The following WIZ variants were observed in gnomAD, a reference collection of about 807,000 sequenced individuals.
The protein encoded by WIZ is protein Wiz.
Under a neutral mutation model 140.2 loss-of-function variants are expected in WIZ, and 25 were observed. The observed-to-expected ratio is 0.18, with a 90% CI of 0.13 to 0.25. The LOEUF is 0.25. Among genes scored for constraint, WIZ ranks in the 10% least tolerant of loss-of-function variants. WIZ has a pLI of 1.00. For synonymous variants in WIZ, 1,125 were observed against 1,154.3 expected, an observed-to-expected ratio of 0.97 and a Z score of 0.51; for missense variants, 2,231 against 2,632.6, an observed-to-expected ratio of 0.85 and a Z score of 3.34.
At chr19:15,435,773 G>T (rs1294685873) in intron 5 of WIZ, among the ~76,000 whole-genome samples, 2 of 151,896 alleles carry the variant, frequency 1.3e-5, no homozygotes, top group African/African-American at 4.8e-5. Flanking sequence ...CAGTGACTGA[G>T]ATCGCACCAC....
At chr19:15,426,900 G>T in intron 9 of WIZ, 82 bp downstream of exon 9, 1 of 1,499,452 alleles carries the variant, frequency 6.7e-7, no homozygotes, top group South Asian at 1.3e-5. Flanking sequence ...TTCAACCCTA[G>T]GCACTCTGGA....
At position 15,440,695 on chromosome 19, in the gene WIZ, A is replaced by G. The variant is rs1001215191; in HGVS notation, c.299T>C (p.Leu100Pro). 1.0e-5 allele frequency: 15 copies of G among 1,502,018 alleles called. No homozygotes were observed. In the African/African-American group the frequency reaches 1.7e-4, roughly 17 times the overall value. 93.0% of individuals were successfully genotyped at this position (1,502,018 alleles called of 1,614,324 possible). ...ISSCCWDGGS[L>P]DFRPGSPPPH... Reference sequence around the variant, plus strand: ...TGGTGGGGAGCCCGGCCGGAAGTCCAGGCTGCCTCCATCCCAGCAGCTGCA... The same window carrying G: ...TGGTGGGGAGCCCGGCCGGAAGTCCGGGCTGCCTCCATCCCAGCAGCTGCA... Residue 100 changes from leucine to proline, a missense_variant, in exon 4 of 13, where the codon CTG becomes CCG. Coordinates refer to ENST00000673675, the MANE Select transcript of WIZ (RefSeq NM_001371589.1). This position sits in a 1 kb window ranked among gnomAD's most constrained non-coding sequence, Gnocchi z 6.2.
rs1025794544 is a variant in WIZ, at chr19:15,432,590, G to A, written c.2741-1408C>T. 7.4e-4 allele frequency: 277 copies of A among 372,856 alleles called. 1 individual carries two copies. The highest frequency in any genetic ancestry group is 5.4e-3 in the African/African-American group (240 of 44,716). The allele number at this position is 372,856 out of a possible 1,614,324, so 23.1% of individuals were successfully genotyped here. A position where few individuals can be genotyped will look rare whatever the true frequency, so the allele number is the denominator to read the frequency against. On this transcript the variant is annotated intron_variant, in intron 5 of 12. Transcript: ENST00000673675. ...GGTGCCGCGGGGCCCGGGCTCGGGG[G>A]GCTGGGCGGGGGCGCCCCCGCGGGC...
Position 15,446,065 on chromosome 19 carries a change from A to G in WIZ, c.205+2038T>C, listed in dbSNP as rs530439980. Among the ~76,000 whole-genome samples, 6 of 152,306 alleles carry G rather than the reference A, an allele frequency of 3.9e-5. No individual in the cohort carries two copies. In the East Asian group the frequency reaches 1.2e-3, roughly 29 times the overall value. On this transcript the variant is annotated intron_variant, in intron 2 of 12. Coordinates refer to ENST00000673675, the MANE Select transcript of WIZ (RefSeq NM_001371589.1). Reference sequence around the variant, plus strand: ...CAGGCATTCTTCCAACATTCAGGCCATGACCTCACTCCAAGTCAAGCCATT... The same window carrying G: ...CAGGCATTCTTCCAACATTCAGGCCGTGACCTCACTCCAAGTCAAGCCATT...
intron 7 of WIZ, 93 bp downstream of exon 7, chr19:15,429,493 C>G: frequency 1.1e-6 from 1 of 924,930 alleles, no homozygotes; most frequent in Non-Finnish European, 1.4e-6. Context: ...CGCCCCCACC[C>G]ACCCTGGGCC....
Position 15,424,705 on chromosome 19 carries a change from G to C in WIZ, c.5222C>G (p.Ala1741Gly), listed in dbSNP as rs758203665. The change falls in exon 11 of 13, where the codon GCT becomes GGT. Residue 1741 changes from alanine (A) to glycine (G), a missense_variant. Ala to Gly is a moderately conservative substitution (Grantham distance 60, BLOSUM62 0). Transcript: ENST00000673675. This position sits in a 1 kb window ranked among gnomAD's most constrained non-coding sequence, Gnocchi z 9.7. ...CTCACCACCGTCGGCTGCCCGGCCA[G>C]CCTCGGGCCCTGGCTCCCCTCCGGC... ...RSAGGEPGPE[A>G]GRAADGGERP... 2.7e-5 allele frequency: 42 copies of C among 1,581,850 alleles called. No homozygotes were observed. The highest frequency in any genetic ancestry group is 3.4e-5 in the South Asian group (3 of 88,544).
chr19:15,425,442 G>A lies in WIZ; in HGVS notation c.4693C>T (p.Pro1565Ser). 1 of 1,573,668 alleles carries A rather than the reference G, an allele frequency of 6.4e-7. No homozygotes were observed. Among genetic ancestry groups the A allele is most frequent in the East Asian group, 2.3e-5 (1 of 42,608 alleles). The change falls in exon 10 of 13, where the codon CCG becomes TCG. Residue 1565 changes from proline (P) to serine (S), a missense_variant. By Grantham distance (74) the Pro-to-Ser change is moderately conservative. Transcript: ENST00000673675. ...AGRPGKPGAG[P>S]AQVPRELSLT... Reference sequence around the variant, plus strand: ...CTGAGCTCACGAGGAACCTGGGCCGGCCCTGCACCTGGTTTGCCTGGCCGG... The same window carrying A: ...CTGAGCTCACGAGGAACCTGGGCCGACCCTGCACCTGGTTTGCCTGGCCGG...
Position 15,427,662 on chromosome 19 carries a change from G to A in WIZ, c.3815-129C>T, listed in dbSNP as rs964271970. On this transcript the variant is annotated intron_variant, in intron 8 of 12. Transcript: ENST00000673675. The surrounding 1 kb of genome is among the most constrained non-coding windows in gnomAD (Gnocchi z 6.4). ...ACAGGTTAGGGTGGTGAGGGCAGGT[G>A]CAGGTAAGGGAGTGGAGGAGCGGGG... is the stretch of plus-strand genomic sequence containing the variant. The A allele has an allele frequency of 7.5e-6, 8 of 1,064,406 alleles. No individual in the cohort carries two copies. In the African/African-American group the frequency reaches 8.0e-5, roughly 11 times the overall value. 65.9% of individuals were successfully genotyped at this position (1,064,406 alleles called of 1,614,324 possible).
intron 2 of WIZ, among the ~76,000 whole-genome samples, chr19:15,443,472 C>T (rs1325558104): frequency 6.6e-6 from 1 of 152,208 alleles, no homozygotes; most frequent in East Asian, 1.9e-4. Flanking sequence ...TCAATGCCTC[C>T]ATTCTGACTG....
At chr19:15,430,418 G>A (rs765933716) in intron 6 of WIZ, among the ~76,000 whole-genome samples, 4 of 152,138 alleles carry the variant, frequency 2.6e-5, no homozygotes, top group Non-Finnish European at 4.4e-5. Context: ...TCACACAAAC[G>A]CTGACCTGAC....
At position 15,425,245 on chromosome 19, in the gene WIZ, G is replaced by T; in HGVS notation, c.4890C>A (p.His1630Gln). Residue 1630 changes from histidine (H) to glutamine (Q), a missense_variant, in exon 10 of 13, where the codon CAC (histidine) becomes CAA (glutamine). By Grantham distance (24) the His-to-Gln change is conservative. Around this residue, in one of 15 missense-constraint regions of WIZ, gnomAD observed 393 missense variants for 451.7 expected, o/e 0.87. Transcript: ENST00000673675. ...ACCCTGCCGCCCGCTGCTTACAGGA[G>T]TGGGAGGTCTTCTCATGAAGGGTCT... ...KAKTLHEKTS[H>Q]SSTEACCELC... 6.3e-7 allele frequency: 1 copy of T among 1,578,698 alleles called. No individual in the cohort carries two copies. The highest frequency in any genetic ancestry group is 8.6e-7 in the Non-Finnish European group (1 of 1,163,358).
intron 5 of WIZ, among the ~76,000 whole-genome samples, chr19:15,432,104 G>A (rs1255085473): frequency 6.6e-6 from 1 of 152,188 alleles, no homozygotes; most frequent in Non-Finnish European, 1.5e-5. Flanking sequence ...AAAGTCTCCG[G>A]GTCGGGTGGG....
rs1024175785 is a variant in WIZ, at chr19:15,440,226, C to T, written c.768G>A (p.Thr256=). ...LAQPSEWGLP[T]SASEVATQTW... ...TCTGTGTGGCTACCTCCGAGGCTGACGTGGGTAGGCCCCACTCGGACGGCT... is the reference window on the plus strand; with the variant it reads ...TCTGTGTGGCTACCTCCGAGGCTGATGTGGGTAGGCCCCACTCGGACGGCT... The change falls in exon 4 of 13, where the codon ACG becomes ACA. Residue 256 remains threonine, a synonymous_variant. Transcript: ENST00000673675. The surrounding 1 kb of genome is among the most constrained non-coding windows in gnomAD (Gnocchi z 6.2). 1.9e-5 allele frequency: 28 copies of T among 1,511,046 alleles called. No individual in the cohort carries two copies. Among genetic ancestry groups the T allele is most frequent in the East Asian group, 1.7e-4 (7 of 40,726 alleles). 93.6% of individuals were successfully genotyped at this position (1,511,046 alleles called of 1,614,324 possible).
intron 9 of WIZ, 147 bp downstream of exon 9, chr19:15,426,835 G>T: frequency 1.1e-6 from 1 of 899,270 alleles, no homozygotes; most frequent in Non-Finnish European, 1.7e-6. Context: ...GGTCTGCATA[G>T]CAGGAATACA....
rs139448002 is a variant in WIZ at position 15,448,087 on chromosome 19, C to A, written c.205+16G>T. The A allele has an allele frequency of 1.9e-6, 3 of 1,611,180 alleles. No homozygotes were observed. Among genetic ancestry groups the A allele is most frequent in the East Asian group, 4.5e-5 (2 of 44,834 alleles). ...GGCTGGATGCTCCCTGGGGGCCACACGGCCCATTCTCTTACCAGAGATGCC... is the reference window on the plus strand; with the variant it reads ...GGCTGGATGCTCCCTGGGGGCCACAAGGCCCATTCTCTTACCAGAGATGCC... On this transcript the variant is annotated intron_variant, in intron 2 of 12. Transcript: ENST00000673675.
rs753722714 is a variant in WIZ at position 15,425,793 on chromosome 19, A to AAGGAGGAGG, written c.4367-34_4367-26dup. 1.2e-5 allele frequency: 13 copies of AAGGAGGAGG among 1,050,852 alleles called. 3 individuals are homozygous for AAGGAGGAGG. Among genetic ancestry groups the AAGGAGGAGG allele is most frequent in the Admixed American group, 3.7e-5 (1 of 27,168 alleles). 65.1% of individuals were successfully genotyped at this position (1,050,852 alleles called of 1,614,324 possible). On this transcript the variant is annotated intron_variant, in intron 9 of 12. Transcript: ENST00000673675. ...GCTGCAGGGGATCCAGGGTAGGGGG[A>AAGGAGGAGG]AGGAGGAGGAGGAGGAGGAGGAGGG...
chr19:15,425,096 C>G, intron 10 of WIZ, 64 bp from the exon 11 acceptor site: 1 of 1,505,718 alleles, frequency 6.6e-7, no homozygotes, highest in South Asian at 1.3e-5. Context: ...CCAGATGGCC[C>G]TGCCCAGGCC....
chr19:15,429,920 G>T lies in WIZ; in HGVS notation c.3081C>A (p.Asp1027Glu), dbSNP rs556557961. The change falls in exon 7 of 13, where the codon GAC (aspartate) becomes GAA (glutamate). Residue 1027 changes from aspartate to glutamate, a missense_variant. By Grantham distance (45) the Asp-to-Glu change is conservative. Around this residue, in one of 15 missense-constraint regions of WIZ, gnomAD observed 163 missense variants for 166.8 expected, o/e 0.98. Transcript: ENST00000673675. ...GGCCTGGGGGCAGCCCAAGGTGGGC[G>T]TCAGGCAGACCCTTCTGCTTCACAA... The part of the protein sequence containing the change: ...YELVKQKGLP[D>E]AHLGLPPGLA... 8.2e-4 allele frequency: 1,255 copies of T among 1,536,016 alleles called. 1 individual carries two copies. The highest frequency in any genetic ancestry group is 1.0e-3 in the Non-Finnish European group (1,193 of 1,146,808).
At position 15,425,487 on chromosome 19, in the gene WIZ, G is replaced by T; in HGVS notation, c.4648C>A (p.Pro1550Thr). The T allele has an allele frequency of 1.2e-6, 2 of 1,607,814 alleles. No homozygotes were observed. The highest frequency in any genetic ancestry group is 1.7e-6 in the Non-Finnish European group (2 of 1,177,392). ...VAPGPVQSPL[P>T]LSPLAGRPGK... is the part of the protein sequence containing the mutation. ...GGCCGGCCAGCCAGGGGCGACAGCG[G>T]CAGTGGGGACTGCACGGGCCCAGGG... The change falls in exon 10 of 13, where the codon CCG becomes ACG. Residue 1550 changes from proline (P) to threonine (T), a missense_variant. Physicochemically the swap from Pro to Thr is conservative, Grantham distance 38. Around this residue, in one of 15 missense-constraint regions of WIZ, gnomAD observed 393 missense variants for 451.7 expected, o/e 0.87. Coordinates refer to ENST00000673675, the MANE Select transcript of WIZ (RefSeq NM_001371589.1).
Sources: gnomAD v4.1 joint callset for allele counts (sites outside exome capture counted in the v4.1 genomes callset) on GRCh38, gnomAD v4.1.1 for gene constraint, gnomAD v4.1.1 regional missense constraint, Gnocchi (gnomAD v3.1) non-coding constraint, MANE v1.5 for transcripts, NCBI Gene and HGNC (gene_info 2026-07-23, HGNC 2026-07-21) for gene names.